Variants in MCU observed in about 807,000 individuals in gnomAD.
MCU encodes calcium uniporter protein, mitochondrial.
Under a neutral mutation model 45.2 loss-of-function variants are expected in MCU, and 12 were observed. That is an observed-to-expected ratio of 0.27 (90% confidence interval 0.17 to 0.43). MCU has a LOEUF of 0.43. Among genes scored for constraint, MCU ranks in the 20% least tolerant of loss-of-function variants. The pLI is 1.00. For synonymous variants in MCU, 160 were observed against 165.1 expected, an observed-to-expected ratio of 0.97 and a Z score of 0.24; for missense variants, 324 against 436.7, an observed-to-expected ratio of 0.74 and a Z score of 2.30.
chr10:72,692,862 T>C, intron 1 of MCU: 1 of 1,436,426 alleles, frequency 7.0e-7, no homozygotes, highest in Non-Finnish European at 9.1e-7. Context: ...AATCAAACTT[T>C]ATTCCCCTCT....
rs566213503 is a variant in MCU, at chr10:72,808,945, A to G, written c.151-25414A>G. On this transcript the variant is annotated intron_variant, in intron 1 of 7. Coordinates refer to ENST00000373053, the MANE Select transcript of MCU (RefSeq NM_138357.3). ...ATTGGGAAGTAGAATTTGACATGAG[A>G]TTTGGGTGGGGACACAGAGCCAAAC... Among the ~76,000 whole-genome samples the G allele has an allele frequency of 8.5e-5, 13 of 152,278 alleles. No homozygotes were observed. In the South Asian group the frequency reaches 1.0e-3, roughly 12 times the overall value.
At chr10:72,857,663 T>C (rs776639979) in intron 2 of MCU, among the ~76,000 whole-genome samples, 1 of 152,196 alleles carries the variant, frequency 6.6e-6, no homozygotes, top group Non-Finnish European at 1.5e-5. Flanking sequence ...AGTGCTAACA[T>C]CATCTTTAAA....
intron 2 of MCU, among the ~76,000 whole-genome samples, chr10:72,841,305 A>C (rs1409167584): frequency 6.6e-6 from 1 of 152,072 alleles, no homozygotes; most frequent in Non-Finnish European, 1.5e-5. Flanking sequence ...ACCAGAAAAA[A>C]AAAATTTTTT....
chr10:72,754,301 G>C (rs747852100), intron 1 of MCU, among the ~76,000 whole-genome samples: 1 of 152,182 alleles, frequency 6.6e-6, no homozygotes, highest in Non-Finnish European at 1.5e-5. Flanking sequence ...AGGTCTTAAA[G>C]CCCAGATTTC....
At chr10:72,713,034 C>T (rs945459430) in intron 1 of MCU, among the ~76,000 whole-genome samples, 3 of 152,134 alleles carry the variant, frequency 2.0e-5, no homozygotes, top group Non-Finnish European at 2.9e-5. Flanking sequence ...TAGTTAGGCA[C>T]CCAAGATATA....
At chr10:72,805,931 G>A (rs1340860323) in intron 1 of MCU, among the ~76,000 whole-genome samples, 1 of 152,188 alleles carries the variant, frequency 6.6e-6, no homozygotes, top group Non-Finnish European at 1.5e-5. Context: ...CAAGGAGGTG[G>A]TAATTGAATG....
At chr10:72,715,787 A>G (rs779809548) in intron 1 of MCU, 9 of 822,182 alleles carry the variant, frequency 1.1e-5, no homozygotes, top group Non-Finnish European at 1.3e-5. Flanking sequence ...TTGCCTATAT[A>G]AATTAACACA....
At chr10:72,715,674 A>G (rs1302172854) in intron 1 of MCU, among the ~76,000 whole-genome samples, 2 of 152,190 alleles carry the variant, frequency 1.3e-5, no homozygotes, top group Non-Finnish European at 2.9e-5. Flanking sequence ...GGCTTAATAT[A>G]TGGAAGAAGT....
intron 1 of MCU, among the ~76,000 whole-genome samples, chr10:72,822,407 G>A (rs986464121): frequency 1.3e-5 from 2 of 152,104 alleles, no homozygotes; most frequent in Non-Finnish European, 2.9e-5. Context: ...AGGGTATTCT[G>A]AACAACTTTA....
chr10:72,733,772 C>T (rs928458906), intron 1 of MCU, among the ~76,000 whole-genome samples: 2 of 150,256 alleles, frequency 1.3e-5, no homozygotes, highest in African/African-American at 4.9e-5. Flanking sequence ...CTTGACAAGC[C>T]TTTCTGGTAG....
At chr10:72,807,322 A>G (rs1001989706) in intron 1 of MCU, among the ~76,000 whole-genome samples, 1 of 152,096 alleles carries the variant, frequency 6.6e-6, no homozygotes, top group Non-Finnish European at 1.5e-5. Context: ...AAGCCTAAAG[A>G]TAACATTTTA....
intron 1 of MCU, among the ~76,000 whole-genome samples, chr10:72,757,318 T>C (rs1236278531): frequency 6.6e-6 from 1 of 152,166 alleles, no homozygotes; most frequent in East Asian, 1.9e-4. Flanking sequence ...GATGTGACAT[T>C]ATTGTATAAG....
At chr10:72,877,120 T>A (rs1303657457) in intron 6 of MCU, among the ~76,000 whole-genome samples, 1 of 152,026 alleles carries the variant, frequency 6.6e-6, no homozygotes, top group Non-Finnish European at 1.5e-5. Context: ...AGGGTTTCCC[T>A]ACATTGCCCA....
At chr10:72,705,133 G>T (rs556034583) in intron 1 of MCU, among the ~76,000 whole-genome samples, 3 of 152,174 alleles carry the variant, frequency 2.0e-5, no homozygotes, top group Admixed American at 2.0e-4. Context: ...AAAGTGCTGG[G>T]ATTACAGATG....
At chr10:72,716,761 A>G (rs184531536) in intron 1 of MCU, among the ~76,000 whole-genome samples, 13 of 151,186 alleles carry the variant, frequency 8.6e-5, no homozygotes, top group Non-Finnish European at 1.6e-4. Context: ...AGTTATGGCT[A>G]CTCGGGAGGC....
intron 1 of MCU, among the ~76,000 whole-genome samples, chr10:72,704,184 G>A (rs1842791442): frequency 6.6e-6 from 1 of 152,148 alleles, no homozygotes; most frequent in African/African-American, 2.4e-5. Flanking sequence ...AGACCAGTAA[G>A]GAGCATCTCA....
intron 1 of MCU, chr10:72,730,437 TG>T (rs772015170): frequency 7.9e-5 from 12 of 151,018 alleles, no homozygotes; most frequent in Non-Finnish European, 1.8e-4. Context: ...TACAGGCACA[TG>T]CCACCATGCC....
chr10:72,840,899 CTT>C (rs949997949), intron 2 of MCU, among the ~76,000 whole-genome samples: 2 of 152,054 alleles, frequency 1.3e-5, no homozygotes, highest in African/African-American at 4.8e-5. Context: ...TCAAGATTGA[CTT>C]TTATAGAAAA....
At position 72,879,320 on chromosome 10, in the gene MCU, A is replaced by G. The variant is rs561923188; in HGVS notation, c.862-4946A>G. Among the ~76,000 whole-genome samples, 17 of 152,336 alleles carry G rather than the reference A, an allele frequency of 1.1e-4. No homozygotes were observed. The South Asian group carries it at 1.2e-3, about 11-fold the overall frequency. On this transcript the variant is annotated intron_variant, in intron 6 of 7. Coordinates refer to ENST00000373053, the MANE Select transcript of MCU (RefSeq NM_138357.3). ...GAGATATATTGGTAGTAAAACTTCA[A>G]AAGCCAAAGCCAAATGGAAAAATCT...
Sources: gnomAD v4.1 joint callset for allele counts (sites outside exome capture counted in the v4.1 genomes callset) on GRCh38, gnomAD v4.1.1 for gene constraint, MANE v1.5 for transcripts, NCBI Gene and HGNC (gene_info 2026-07-23, HGNC 2026-07-21) for gene names.